Variants in GALNT13 observed in about 807,000 individuals in gnomAD.
The protein encoded by GALNT13 is UDP-GalNAc:polypeptide N-acetylgalactosaminyltransferase 13.
A neutral mutation model predicts 64.2 loss-of-function variants in GALNT13; 28 were observed. That is an observed-to-expected ratio of 0.44 (90% CI 0.32 to 0.60). The LOEUF is 0.60. Among genes scored for constraint, GALNT13 ranks in the 20% least tolerant of loss-of-function variants. GALNT13 has a pLI of 0.05. For synonymous variants in GALNT13, 214 were observed against 224.6 expected (o/e 0.95, Z 0.42); for missense variants, 577 against 669.8 (o/e 0.86, Z 1.53).
intron 4 of GALNT13, among the ~76,000 whole-genome samples, chr2:154,206,060 C>T (rs991423782): frequency 2.0e-5 from 3 of 151,832 alleles, no homozygotes; most frequent in South Asian, 2.1e-4. Flanking sequence ...TGCAGTGGTG[C>T]GATCTCGGCT....
the GALNT13 span, among the ~76,000 whole-genome samples, chr2:153,534,498 A>G: frequency 6.7e-6 from 1 of 149,860 alleles, no homozygotes. Flanking sequence ...ATAAAATGCT[A>G]GCAAGTTAGG....
At chr2:153,168,936 C>A in the GALNT13 span, among the ~76,000 whole-genome samples, 1 of 152,028 alleles carries the variant, frequency 6.6e-6, no homozygotes, top group African/African-American at 2.4e-5. Flanking sequence ...GAAATCACAG[C>A]TTTCTTTAAG....
chr2:153,118,421 G>C, the GALNT13 span, among the ~76,000 whole-genome samples: 1 of 152,154 alleles, frequency 6.6e-6, no homozygotes, highest in East Asian at 1.9e-4. Context: ...GGGCAAACTT[G>C]ACTGGCTTCA....
the GALNT13 span, among the ~76,000 whole-genome samples, chr2:153,727,619 C>A: frequency 6.6e-6 from 1 of 152,146 alleles, no homozygotes; most frequent in Non-Finnish European, 1.5e-5. Flanking sequence ...TAGCCTAACA[C>A]TGGATATTTT....
chr2:153,070,130 C>T, the GALNT13 span, among the ~76,000 whole-genome samples: 2 of 151,752 alleles, frequency 1.3e-5, no homozygotes, highest in African/African-American at 2.4e-5. Flanking sequence ...ACAAAAGAGC[C>T]GGTGATAAGA....
At chr2:153,739,065 T>G in the GALNT13 span, among the ~76,000 whole-genome samples, 1 of 152,050 alleles carries the variant, frequency 6.6e-6, no homozygotes, top group African/African-American at 2.4e-5. Flanking sequence ...ATAAATTGAA[T>G]GTAATAGTAC....
chr2:153,479,156 C>G, the GALNT13 span, among the ~76,000 whole-genome samples: 1 of 152,156 alleles, frequency 6.6e-6, no homozygotes, highest in Non-Finnish European at 1.5e-5. Context: ...CCTGCTGCCC[C>G]CCTGACCTCT....
At chr2:153,562,499 T>G in the GALNT13 span, among the ~76,000 whole-genome samples, 3 of 152,096 alleles carry the variant, frequency 2.0e-5, no homozygotes, top group Non-Finnish European at 4.4e-5. Context: ...AAAAACACCA[T>G]GTGTATTCTC....
chr2:153,217,081 A>G, the GALNT13 span, among the ~76,000 whole-genome samples: 15 of 152,058 alleles, frequency 9.9e-5, no homozygotes, highest in Admixed American at 3.3e-4. Flanking sequence ...TTTCCATTGA[A>G]TTATCTTTGT....
chr2:153,327,003 G>C, the GALNT13 span, among the ~76,000 whole-genome samples: 1 of 152,088 alleles, frequency 6.6e-6, no homozygotes, highest in Non-Finnish European at 1.5e-5. Flanking sequence ...AGAATCGCTT[G>C]AACCCAGGAG....
the GALNT13 span, among the ~76,000 whole-genome samples, chr2:153,125,338 A>C: frequency 6.6e-6 from 1 of 151,548 alleles, no homozygotes. Context: ...TGCATGTTTG[A>C]AGTTTTAATG....
the GALNT13 span, among the ~76,000 whole-genome samples, chr2:153,370,102 G>C: frequency 2.6e-5 from 4 of 152,090 alleles, no homozygotes; most frequent in Non-Finnish European, 5.9e-5. Context: ...ATAAATGTTA[G>C]CGAACCAACT....
At chr2:154,417,224 T>A (rs1700048921) in intron 11 of GALNT13, among the ~76,000 whole-genome samples, 1 of 132,082 alleles carries the variant, frequency 7.6e-6, no homozygotes, top group Non-Finnish European at 1.6e-5. Flanking sequence ...CTTCCTTAAA[T>A]AATTAAGTGA....
At chr2:153,205,551 C>A in the GALNT13 span, among the ~76,000 whole-genome samples, 6 of 151,956 alleles carry the variant, frequency 3.9e-5, no homozygotes, top group African/African-American at 1.4e-4. Context: ...CTTATTATTT[C>A]TCAGAAAAAG....
the GALNT13 span, among the ~76,000 whole-genome samples, chr2:153,578,301 T>C: frequency 6.6e-6 from 1 of 152,224 alleles, no homozygotes; most frequent in Non-Finnish European, 1.5e-5. Context: ...ATTTTAACCT[T>C]AAGCTTTCTT....
the GALNT13 span, among the ~76,000 whole-genome samples, chr2:153,730,909 C>G: frequency 2.0e-5 from 3 of 151,732 alleles, no homozygotes; most frequent in Admixed American, 2.0e-4. Flanking sequence ...GATGGGGATT[C>G]AGAGAAAAGG....
the GALNT13 span, among the ~76,000 whole-genome samples, chr2:153,705,923 G>A: frequency 1.1e-4 from 17 of 152,204 alleles, no homozygotes; most frequent in African/African-American, 4.1e-4. Context: ...ATTTAAAATA[G>A]CATTTGTCAG....
At chr2:153,682,168 T>A in the GALNT13 span, among the ~76,000 whole-genome samples, 4 of 151,768 alleles carry the variant, frequency 2.6e-5, no homozygotes, top group East Asian at 7.7e-4. Context: ...AGATGCCCCA[T>A]AAATTATTTA....
the GALNT13 span, among the ~76,000 whole-genome samples, chr2:153,713,672 C>T: frequency 9.9e-5 from 15 of 152,130 alleles, no homozygotes; most frequent in Admixed American, 2.0e-4. Flanking sequence ...TAAGTAGTTA[C>T]GGGGTTTCGC....
Sources: gnomAD v4.1 joint callset for allele counts (sites outside exome capture counted in the v4.1 genomes callset) on GRCh38, gnomAD v4.1.1 for gene constraint, MANE v1.5 for transcripts, NCBI Gene and HGNC (gene_info 2026-07-23, HGNC 2026-07-21) for gene names.